Variants in FZR1 observed in about 807,000 individuals in gnomAD.
The protein encoded by FZR1 is fizzy and cell division cycle 20 related 1.
In FZR1, 11 loss-of-function variants were observed where a neutral mutation model predicts 63.6. The observed-to-expected ratio is 0.17, with a 90% confidence interval of 0.11 to 0.29. The LOEUF (loss-of-function observed/expected upper bound fraction) is 0.29. FZR1 is among the 10% of genes least tolerant of loss of function. FZR1 has a pLI of 1.00. For synonymous variants in FZR1, 328 were observed against 297.9 expected (o/e 1.10, Z -1.04); for missense variants, 440 against 687.5 (o/e 0.64, Z 4.03).
At chr19:3,521,524 C>T (rs1266222935) in intron 1 of FZR1, among the ~76,000 whole-genome samples, 1 of 150,196 alleles carries the variant, frequency 6.7e-6, no homozygotes, top group Non-Finnish European at 1.5e-5. Flanking sequence ...TTTTTTGAGA[C>T]AGAGTCCCGC....
In FZR1 at chr19:3,526,830, G is replaced by C. The variant is rs12971546; in HGVS notation, c.388-150G>C. 8.5e-3 allele frequency: 5,359 copies of C among 630,008 alleles called. 50 individuals carry two copies. Among genetic ancestry groups the C allele is most frequent in the Non-Finnish European group, 0.013 (4,660 of 354,516 alleles). 39.0% of individuals were successfully genotyped at this position (630,008 alleles called of 1,614,324 possible). On this transcript the variant is annotated intron_variant, in intron 5 of 13. Transcript: ENST00000441788. This position sits in a 1 kb window ranked among gnomAD's most constrained non-coding sequence, Gnocchi z 5.4. ...GTGGGGGGTCCGCAGTCCCCGCCAG[G>C]AAGGCGCCTGCCTTTTTACAGCTGC...
In FZR1 at chr19:3,532,574, C is replaced by T. The variant is rs1158286685; in HGVS notation, c.1166C>T (p.Thr389Ile). The change falls in exon 11 of 14, where the codon ACA (threonine) becomes ATA (isoleucine). Residue 389 changes from threonine to isoleucine, a missense_variant. Physicochemically the swap from Thr to Ile is moderately conservative, Grantham distance 89. This residue lies in a region of FZR1 where 208 missense variants were observed against 363.6 expected (regional missense o/e 0.57). Transcript: ENST00000441788. Reference sequence around the variant, plus strand: ...TGTATCCGCTTCTGGAACACGCTGACAGGACAACCACTGCAGTGTATCGAC... The same window carrying T: ...TGTATCCGCTTCTGGAACACGCTGATAGGACAACCACTGCAGTGTATCGAC... The part of the protein sequence containing the change: ...DRCIRFWNTL[T>I]GQPLQCIDTG... The T allele has an allele frequency of 1.2e-6, 2 of 1,612,632 alleles. No homozygotes were observed. The highest frequency in any genetic ancestry group is 2.2e-5 in the South Asian group (2 of 91,088).
Position 3,535,173 on chromosome 19 carries a change from A to G in FZR1, c.*337A>G, listed in dbSNP as rs1407539546. 2.9e-5 allele frequency: 11 copies of G among 385,636 alleles called. No homozygotes were observed. Among genetic ancestry groups the G allele is most frequent in the East Asian group, 6.1e-5 (1 of 16,288 alleles). 23.9% of individuals were successfully genotyped at this position (385,636 alleles called of 1,614,324 possible). A position where few individuals can be genotyped will look rare whatever the true frequency, so the allele number is the denominator to read the frequency against. The stretch of plus-strand genomic sequence containing the variant: ...GGACCCTCACTGCCTCCGTCTGTTC[A>G]TCACCTGCCCACCGGAGCCGCATGC... On this transcript the variant is annotated 3_prime_UTR_variant, in exon 14 of 14. Transcript: ENST00000441788.
In FZR1 at chr19:3,533,629, G is replaced by A. The variant is rs2083269371; in HGVS notation, c.1347+231G>A. On this transcript the variant is annotated intron_variant, in intron 12 of 13. Coordinates refer to ENST00000441788, the MANE Select transcript of FZR1 (RefSeq NM_016263.4). This position sits in a 1 kb window ranked among gnomAD's most constrained non-coding sequence, Gnocchi z 4.9. ...CAGGTGCAGGCCCTGTCCTCCTGGAGGACCTTAGCTTCTTCATTTGTTTAT... is the reference window on the plus strand; with the variant it reads ...CAGGTGCAGGCCCTGTCCTCCTGGAAGACCTTAGCTTCTTCATTTGTTTAT... 1.7e-5 allele frequency: 9 copies of A among 535,836 alleles called. No homozygotes were observed. In the East Asian group the frequency reaches 2.2e-4, roughly 13 times the overall value. 33.2% of individuals were successfully genotyped at this position (535,836 alleles called of 1,614,324 possible).
intron 8 of FZR1, among the ~76,000 whole-genome samples, chr19:3,531,115 C>T (rs1454451874): frequency 6.6e-6 from 1 of 152,128 alleles, no homozygotes; most frequent in East Asian, 1.9e-4. Flanking sequence ...TCCATGGGAC[C>T]TGCCCACCTG....
intron 1 of FZR1, among the ~76,000 whole-genome samples, chr19:3,512,277 T>A (rs2083029612): frequency 6.6e-6 from 1 of 152,176 alleles, no homozygotes; most frequent in Non-Finnish European, 1.5e-5. Flanking sequence ...TGTGTGCACC[T>A]GTCATGAGTC....
intron 10 of FZR1, 75 bp from the exon 11 acceptor site, chr19:3,532,342 C>A: frequency 1.7e-6 from 2 of 1,194,034 alleles, no homozygotes; most frequent in Non-Finnish European, 1.2e-6. Flanking sequence ...CAGGGCAGGT[C>A]GTCACACCTG....
Position 3,536,857 on chromosome 19 carries a change from G to A in FZR1, c.*2021G>A, listed in dbSNP as rs1407142268. 2 of 152,238 alleles carry A rather than the reference G, an allele frequency of 1.3e-5. No homozygotes were observed. Among genetic ancestry groups the A allele is most frequent in the Non-Finnish European group, 2.9e-5 (2 of 68,042 alleles). The allele number at this position is 152,238 out of a possible 1,614,324, so 9.4% of individuals were successfully genotyped here. A position where few individuals can be genotyped will look rare whatever the true frequency, so the allele number is the denominator to read the frequency against. ...TGGAGCTGCAGAAGCAGCTTCTGAG[G>A]GGCTTCCCAGGCCTGCATTTCACAG... On this transcript the variant is annotated 3_prime_UTR_variant, in exon 14 of 14. Transcript: ENST00000441788.
At chr19:3,517,948 C>T (rs780461227) in intron 1 of FZR1, among the ~76,000 whole-genome samples, 4 of 151,154 alleles carry the variant, frequency 2.6e-5, no homozygotes, top group Non-Finnish European at 5.9e-5. Context: ...GCAGCCTCCA[C>T]CTCAGCCTCC....
intron 8 of FZR1, among the ~76,000 whole-genome samples, chr19:3,531,386 C>A (rs1296689020): frequency 6.6e-6 from 1 of 152,174 alleles, no homozygotes; most frequent in Non-Finnish European, 1.5e-5. Context: ...CGCATGTTGC[C>A]CAGCTCCTGG....
At chr19:3,532,188 G>C (rs1030093198) in intron 10 of FZR1, 93 bp downstream of exon 10, 4 of 1,243,250 alleles carry the variant, frequency 3.2e-6, no homozygotes, top group Admixed American at 2.8e-5. Flanking sequence ...GGCGGGCGCG[G>C]GCGCGGGGCC....
At chr19:3,530,458 GCAT>G (rs2083234522) in intron 7 of FZR1, among the ~76,000 whole-genome samples, 1 of 129,390 alleles carries the variant, frequency 7.7e-6, no homozygotes, top group African/African-American at 3.2e-5. Context: ...ATGGGAGAGC[GCAT>G]GGATGAGCGC....
Position 3,533,719 on chromosome 19 carries a change from C to T in FZR1, c.1347+321C>T, listed in dbSNP as rs1311427924. On this transcript the variant is annotated intron_variant, in intron 12 of 13. Transcript: ENST00000441788. The surrounding 1 kb of genome is among the most constrained non-coding windows in gnomAD (Gnocchi z 4.9). ...ACTCACAGCTGACCACTCAGATGAC[C>T]CTGTGAACGTCCTACACAGTAACTG... 3.0e-6 allele frequency: 1 copy of T among 333,518 alleles called. No individual in the cohort carries two copies. The highest frequency in any genetic ancestry group is 5.6e-6 in the Non-Finnish European group (1 of 178,292). 20.7% of individuals were successfully genotyped at this position (333,518 alleles called of 1,614,324 possible). A position where few individuals can be genotyped will look rare whatever the true frequency, so the allele number is the denominator to read the frequency against.
chr19:3,521,794 C>T (rs866286748), intron 1 of FZR1, among the ~76,000 whole-genome samples: 1 of 152,052 alleles, frequency 6.6e-6, no homozygotes, highest in Non-Finnish European at 1.5e-5. Flanking sequence ...GCCACCGTGC[C>T]TGGCCAGAAC....
intron 1 of FZR1, among the ~76,000 whole-genome samples, chr19:3,518,513 G>A (rs2083075421): frequency 6.6e-6 from 1 of 152,144 alleles, no homozygotes; most frequent in African/African-American, 2.4e-5. Context: ...CAGATCTGGA[G>A]CAGGGGCAGT....
Position 3,526,969 on chromosome 19 carries a change from C to A in FZR1, c.388-11C>A, listed in dbSNP as rs2083165678. 3 of 1,604,780 alleles carry A rather than the reference C, an allele frequency of 1.9e-6. No homozygotes were observed. In the East Asian group the frequency reaches 6.7e-5, roughly 36 times the overall value. The stretch of plus-strand genomic sequence containing the variant: ...GGCGTGCGCTCAGCTGGCATGTCCC[C>A]CGCTCCACAGTATTCCCTTAGCACC... On this transcript the variant is annotated splice_polypyrimidine_tract_variant and intron_variant, in intron 5 of 13. Coordinates refer to ENST00000441788, the MANE Select transcript of FZR1 (RefSeq NM_016263.4). The surrounding 1 kb of genome is among the most constrained non-coding windows in gnomAD (Gnocchi z 5.4).
chr19:3,522,908 G>A lies in FZR1; in HGVS notation c.-34-48G>A, dbSNP rs1050988839. 4.1e-5 allele frequency: 40 copies of A among 973,352 alleles called. 1 individual carries two copies. The highest frequency in any genetic ancestry group is 2.6e-4 in the South Asian group (20 of 78,188). The allele number at this position is 973,352 out of a possible 1,614,324, so 60.3% of individuals were successfully genotyped here. ...GGTGCAGGCGAGCCCCGTGGTCTCCGGGCAGCCGGCCCTGCCCCACTCACC... is the reference window on the plus strand; with the variant it reads ...GGTGCAGGCGAGCCCCGTGGTCTCCAGGCAGCCGGCCCTGCCCCACTCACC... On this transcript the variant is annotated intron_variant, in intron 1 of 13. Coordinates refer to ENST00000441788, the MANE Select transcript of FZR1 (RefSeq NM_016263.4).
In FZR1 at chr19:3,515,698, G is replaced by A. The variant is rs375625402; in HGVS notation, c.-34-7258G>A. On this transcript the variant is annotated intron_variant, in intron 1 of 13. Transcript: ENST00000441788. The surrounding 1 kb of genome is among the most constrained non-coding windows in gnomAD (Gnocchi z 4.6). Reference sequence around the variant, plus strand: ...AGGAGAATGGTGTGAACCAGGAGGCGGAGCTTGCAGTGAGCAGAGATCGCA... The same window carrying A: ...AGGAGAATGGTGTGAACCAGGAGGCAGAGCTTGCAGTGAGCAGAGATCGCA... Among the ~76,000 whole-genome samples, 29 of 151,672 alleles carry A rather than the reference G, an allele frequency of 1.9e-4. No homozygotes were observed. In the South Asian group the frequency reaches 4.2e-3, roughly 22 times the overall value.
chr19:3,508,992 C>T (rs2083005887), intron 1 of FZR1, among the ~76,000 whole-genome samples: 1 of 152,244 alleles, frequency 6.6e-6, no homozygotes, highest in Non-Finnish European at 1.5e-5. Flanking sequence ...GGCACTGCCA[C>T]AGGGACCTGG....
Sources: allele counts gnomAD v4.1 joint callset (sites outside exome capture counted in the v4.1 genomes callset), GRCh38; gene constraint gnomAD v4.1.1; regional missense constraint gnomAD v4.1.1; non-coding constraint Gnocchi (gnomAD v3.1); transcripts MANE v1.5; gene names NCBI Gene and HGNC (gene_info 2026-07-23, HGNC 2026-07-21).